The following DCP1A variants were observed in gnomAD, a reference collection of about 807,000 sequenced individuals.
DCP1A encodes mRNA-decapping enzyme 1A.
A neutral mutation model predicts 58.0 loss-of-function variants in DCP1A; 20 were observed. The observed-to-expected ratio is 0.34, with a 90% CI of 0.24 to 0.50. The LOEUF (loss-of-function observed/expected upper bound fraction) is 0.50. Ranked by LOEUF, DCP1A falls within the 20% of genes least tolerant of loss-of-function variation. The probability of loss-of-function intolerance (pLI) is 0.98; values close to 1 mark genes in which losing one functional copy is unlikely to be tolerated. For missense variants in DCP1A, 613 were observed against 712.2 expected, an observed-to-expected ratio of 0.86 and a Z score of 1.59; for synonymous variants, 285 against 275.1, an observed-to-expected ratio of 1.04 and a Z score of -0.36.
At chr3:53,316,679 A>T (rs1386160770) in intron 4 of DCP1A, among the ~76,000 whole-genome samples, 5 of 148,730 alleles carry the variant, frequency 3.4e-5, no homozygotes, top group Non-Finnish European at 7.4e-5. Context: ...CCTGGCCTTA[A>T]GCAATCCTCC....
At chr3:53,293,792 A>G (rs1553686491) in intron 6 of DCP1A, among the ~76,000 whole-genome samples, 2 of 152,350 alleles carry the variant, frequency 1.3e-5, no homozygotes, top group South Asian at 4.1e-4. Flanking sequence ...TCTACAGGAA[A>G]ACAAACCCAG....
At chr3:53,326,715 G>A (rs887338052) in intron 3 of DCP1A, among the ~76,000 whole-genome samples, 2 of 152,182 alleles carry the variant, frequency 1.3e-5, no homozygotes, top group African/African-American at 2.4e-5. Flanking sequence ...AGATGGAACT[G>A]CTGTTTAGAT....
intron 3 of DCP1A, among the ~76,000 whole-genome samples, chr3:53,321,979 G>A (rs1381394118): frequency 6.6e-6 from 1 of 152,158 alleles, no homozygotes; most frequent in Non-Finnish European, 1.5e-5. Context: ...GCTAGCACAA[G>A]AGATTTTAAA....
chr3:53,287,767 A>C, intron 9 of DCP1A, 107 bp from the exon 10 acceptor site: 1 of 786,508 alleles, frequency 1.3e-6, no homozygotes, highest in Non-Finnish European at 2.2e-6. Context: ...GATTTGTATA[A>C]CTGATAATCC....
At position 53,285,813 on chromosome 3, in the gene DCP1A, G is replaced by A. The variant is rs1417067341; in HGVS notation, c.*1767C>T. 2.6e-5 allele frequency: 4 copies of A among 152,148 alleles called. No homozygotes were observed. The highest frequency in any genetic ancestry group is 4.4e-5 in the Non-Finnish European group (3 of 68,046). 9.4% of individuals were successfully genotyped at this position (152,148 alleles called of 1,614,324 possible). A position where few individuals can be genotyped will look rare whatever the true frequency, so the allele number is the denominator to read the frequency against. On this transcript the variant is annotated 3_prime_UTR_variant, in exon 10 of 10. Transcript: ENST00000610213. ...GGCTCCCTGGACACCATCTCCCGGT[G>A]TCAGCAACACTCTGTATCCCACTAT...
intron 3 of DCP1A, among the ~76,000 whole-genome samples, chr3:53,341,817 C>T (rs189696103): frequency 3.9e-5 from 6 of 152,140 alleles, no homozygotes; most frequent in South Asian, 2.1e-4. Context: ...TGATTACAGG[C>T]GCCTGCCACC....
chr3:53,319,438 C>A lies in DCP1A; in HGVS notation c.340G>T (p.Asp114Tyr). The A allele has an allele frequency of 6.4e-7, 1 of 1,561,858 alleles. No homozygotes were observed. The highest frequency in any genetic ancestry group is 1.9e-5 in the Admixed American group (1 of 52,590). Residue 114 changes from aspartate (D) to tyrosine (Y), a missense_variant, in exon 4 of 10, where the codon GAC becomes TAC. Physicochemically the swap from Asp to Tyr is radical, Grantham distance 160. This residue lies in a region of DCP1A where 65 missense variants were observed against 118.5 expected (regional missense o/e 0.55). Transcript: ENST00000610213. ...ATGAGTTTTGCTATGCGGTGACAGT[C>A]ATTCTTGTCATAAAACCAGATACTA... ...IYSIWFYDKNDCHRIAKLMAD... is the reference protein window; with the variant it reads ...IYSIWFYDKNYCHRIAKLMAD...
In DCP1A at chr3:53,303,020, C is replaced by T. The variant is rs139313324; in HGVS notation, c.624+1157G>A. Among the ~76,000 whole-genome samples, 1,020 of 152,200 alleles carry T rather than the reference C, an allele frequency of 6.7e-3. 11 individuals are homozygous for T. Among genetic ancestry groups the T allele is most frequent in the African/African-American group, 0.023 (946 of 41,508 alleles). ...CTGGAGTGCAGTGGTGTGATCATGG[C>T]TCACTGCAATCTCAAACCTCCTGAG... On this transcript the variant is annotated intron_variant, in intron 6 of 9. Transcript: ENST00000610213.
chr3:53,292,544 T>C lies in DCP1A; in HGVS notation c.908A>G (p.Asn303Ser), dbSNP rs375815016. 6.8e-6 allele frequency: 11 copies of C among 1,613,820 alleles called. No homozygotes were observed. The highest frequency in any genetic ancestry group is 1.6e-4 in the Middle Eastern group (1 of 6,084). ...TGTGTAGGTTGGAGCATGCTTTTCA[T>C]TGGACTGTGTGATGGAGGCTGGAGT... ...LITPASITQSNEKHAPTYTIP... is the reference protein window; with the variant it reads ...LITPASITQSSEKHAPTYTIP... Residue 303 changes from asparagine to serine, a missense_variant, in exon 7 of 10, where the codon AAT becomes AGT. Physicochemically the swap from Asn to Ser is conservative, Grantham distance 46. Coordinates refer to ENST00000610213, the MANE Select transcript of DCP1A (RefSeq NM_018403.7).
At chr3:53,304,776 G>C (rs1553687826) in intron 5 of DCP1A, among the ~76,000 whole-genome samples, 1 of 151,690 alleles carries the variant, frequency 6.6e-6, no homozygotes, top group Non-Finnish European at 1.5e-5. Flanking sequence ...GTAGAGACAG[G>C]GTTTCAGCAT....
chr3:53,335,124 T>C (rs1307726557), intron 3 of DCP1A, among the ~76,000 whole-genome samples: 1 of 150,172 alleles, frequency 6.7e-6, no homozygotes, highest in Non-Finnish European at 1.5e-5. Context: ...TGTGTATATA[T>C]ATATATTTTT....
chr3:53,315,443 CAGG>C lies in DCP1A; in HGVS notation c.372-3067_372-3065del, dbSNP rs377242900. 2.3e-4 allele frequency among the ~76,000 whole-genome samples: 33 copies of C among 144,936 alleles called. No homozygotes were observed. The South Asian group carries it at 6.8e-3, about 30-fold the overall frequency. On this transcript the variant is annotated intron_variant, in intron 4 of 9. Transcript: ENST00000610213. ...ATCCCAGCTACTCGGGAGGCTGAGG[CAGG>C]AGAACTGCTTGAACCCAGGAGGGCG...
chr3:53,329,422 G>T (rs1467124216), intron 3 of DCP1A: 2 of 398,402 alleles, frequency 5.0e-6, no homozygotes, highest in Non-Finnish European at 8.8e-6. Context: ...AAACGAAGGG[G>T]TACTTCTCTC....
At chr3:53,337,226 G>C (rs1343176357) in intron 3 of DCP1A, among the ~76,000 whole-genome samples, 2 of 152,086 alleles carry the variant, frequency 1.3e-5, no homozygotes, top group Non-Finnish European at 2.9e-5. Flanking sequence ...AGGCTTTCTA[G>C]TAATGGCCCC....
At chr3:53,296,618 A>G (rs1283105615) in intron 6 of DCP1A, among the ~76,000 whole-genome samples, 5 of 152,250 alleles carry the variant, frequency 3.3e-5, no homozygotes, top group African/African-American at 1.2e-4. Context: ...TACCATTTTA[A>G]CCATATTTAA....
chr3:53,308,000 T>TA (rs1707525760), intron 5 of DCP1A, among the ~76,000 whole-genome samples: 1 of 152,084 alleles, frequency 6.6e-6, no homozygotes, highest in Non-Finnish European at 1.5e-5. Context: ...TTACTGTCAA[T>TA]AAAAAAGATA....
chr3:53,297,059 A>G (rs1393341507), intron 6 of DCP1A, among the ~76,000 whole-genome samples: 1 of 152,196 alleles, frequency 6.6e-6, no homozygotes, highest in East Asian at 1.9e-4. Context: ...GAGTATATGG[A>G]GCATTTTCCA....
At chr3:53,304,059 T>C (rs1707391271) in intron 6 of DCP1A, 118 bp downstream of exon 6, 2 of 691,332 alleles carry the variant, frequency 2.9e-6, no homozygotes, top group Non-Finnish European at 4.9e-6. Flanking sequence ...GATGTCATTA[T>C]GTTGCTGCAC....
Position 53,292,387 on chromosome 3 carries a change from G to A in DCP1A, c.1065C>T (p.Leu355=), listed in dbSNP as rs1269521121. ...VKTTPRQRSP[L]LNQPVPELSH... ...TTAGCTCAGGGACTGGCTGGTTCAG[G>A]AGTGGAGACCTCTGTCTAGGCGTGG... is the stretch of plus-strand genomic sequence containing the variant. Residue 355 remains leucine (L), a synonymous_variant, in exon 7 of 10, where the codon CTC becomes CTT. Transcript: ENST00000610213. 3.1e-6 allele frequency: 5 copies of A among 1,613,622 alleles called. No homozygotes were observed. The highest frequency in any genetic ancestry group is 3.3e-4 in the Middle Eastern group (2 of 6,060).
Sources: gnomAD v4.1 joint callset for allele counts (sites outside exome capture counted in the v4.1 genomes callset) on GRCh38, gnomAD v4.1.1 for gene constraint, gnomAD v4.1.1 regional missense constraint, MANE v1.5 for transcripts, NCBI Gene and HGNC (gene_info 2026-07-23, HGNC 2026-07-21) for gene names.